Variants in SLC5A4 observed in about 807,000 individuals in gnomAD.
The protein encoded by SLC5A4 is solute carrier family 5 member 4, also known as probable glucose sensor protein SLC5A4.
SLC5A4 carries 55 observed loss-of-function variants against 70.3 expected under a neutral mutation model. That is an observed-to-expected ratio of 0.78 (90% CI 0.63 to 0.98). The LOEUF (loss-of-function observed/expected upper bound fraction) is 0.98. SLC5A4 is among the 50% of genes least tolerant of loss of function. The probability of loss-of-function intolerance (pLI) is 0.00; values close to 1 mark genes in which losing one functional copy is unlikely to be tolerated. For missense variants in SLC5A4, 735 were observed against 839.2 expected, an observed-to-expected ratio of 0.88 and a Z score of 1.53; for synonymous variants, 268 against 305.7, an observed-to-expected ratio of 0.88 and a Z score of 1.29.
intron 9 of SLC5A4, among the ~76,000 whole-genome samples, chr22:32,232,515 G>A (rs1925814304): frequency 6.6e-6 from 1 of 152,010 alleles, no homozygotes; most frequent in South Asian, 2.1e-4. Flanking sequence ...TTTCTCAGAG[G>A]GACCAAGACC....
chr22:32,237,105 G>A lies in SLC5A4; in HGVS notation c.664+139C>T, dbSNP rs570570226. 45 of 672,140 alleles carry A rather than the reference G, an allele frequency of 6.7e-5. No individual in the cohort carries two copies. In the African/African-American group the frequency reaches 7.8e-4, roughly 12 times the overall value. 41.6% of individuals were successfully genotyped at this position (672,140 alleles called of 1,614,324 possible). ...AGAAAGAAGTCAGGCAGATATTTCA[G>A]TGATGGGGATTATGTAAATGACTGG... On this transcript the variant is annotated intron_variant, in intron 7 of 14. Transcript: ENST00000266086.
At chr22:32,348,967 C>G in the SLC5A4 span, among the ~76,000 whole-genome samples, 1 of 152,118 alleles carries the variant, frequency 6.6e-6, no homozygotes, top group Admixed American at 6.5e-5. Flanking sequence ...TAAGTTTAGA[C>G]AAAACTCTTT....
At chr22:32,284,615 AC>A in the SLC5A4 span, 1 of 152,090 alleles carries the variant, frequency 6.6e-6, no homozygotes. Context: ...AAGAAGAAGC[AC>A]TCCAAGAGGC....
intron 12 of SLC5A4, among the ~76,000 whole-genome samples, chr22:32,224,804 G>T (rs945572790): frequency 1.3e-5 from 2 of 152,246 alleles, no homozygotes; most frequent in African/African-American, 4.8e-5. Context: ...TGATTTATTT[G>T]ATAAAATAAG....
chr22:32,244,979 G>A (rs1926735269), intron 5 of SLC5A4, among the ~76,000 whole-genome samples: 1 of 152,148 alleles, frequency 6.6e-6, no homozygotes, highest in African/African-American at 2.4e-5. Context: ...CAAGGATCAG[G>A]ATTTTCTTTT....
the SLC5A4 span, among the ~76,000 whole-genome samples, chr22:32,306,457 C>G: frequency 8.8e-6 from 1 of 114,002 alleles, no homozygotes; most frequent in African/African-American, 4.3e-5. Flanking sequence ...CAGAGCAAGA[C>G]TCGGTCTCAA....
At chr22:32,309,703 A>G in the SLC5A4 span, among the ~76,000 whole-genome samples, 4 of 151,942 alleles carry the variant, frequency 2.6e-5, no homozygotes, top group Non-Finnish European at 5.9e-5. Context: ...CCAAGTGCAC[A>G]CTTCTCACCC....
the SLC5A4 span, among the ~76,000 whole-genome samples, chr22:32,292,131 T>TATTATAC: frequency 1.1e-5 from 1 of 87,310 alleles, no homozygotes; most frequent in Non-Finnish European, 2.2e-5. Flanking sequence ...ATATACTAGA[T>TATTATAC]ATTATATATT....
the SLC5A4 span, among the ~76,000 whole-genome samples, chr22:32,332,547 C>T: frequency 1.3e-5 from 2 of 152,206 alleles, no homozygotes; most frequent in East Asian, 1.9e-4. Flanking sequence ...CCTTATCCTG[C>T]GGGCCTTCTG....
At chr22:32,320,318 T>TACGGTACAGATGCCC in the SLC5A4 span, among the ~76,000 whole-genome samples, 1 of 152,176 alleles carries the variant, frequency 6.6e-6, no homozygotes, top group Non-Finnish European at 1.5e-5. Context: ...GACACATGCC[T>TACGGTACAGATGCCC]ACGGTACAGA....
chr22:32,315,514 A>G, the SLC5A4 span, among the ~76,000 whole-genome samples: 1 of 152,214 alleles, frequency 6.6e-6, no homozygotes, highest in Non-Finnish European at 1.5e-5. Context: ...TATTGTTCAC[A>G]GTAGGGAGAA....
At chr22:32,320,501 C>T in the SLC5A4 span, among the ~76,000 whole-genome samples, 1 of 152,212 alleles carries the variant, frequency 6.6e-6, no homozygotes, top group African/African-American at 2.4e-5. Context: ...AGCTCCTGCA[C>T]AATGGAGAGC....
At chr22:32,287,990 A>G in the SLC5A4 span, among the ~76,000 whole-genome samples, 3 of 149,252 alleles carry the variant, frequency 2.0e-5, no homozygotes, top group African/African-American at 7.4e-5. Flanking sequence ...TAGGCAGTTC[A>G]CTTGAAGACC....
At chr22:32,284,839 T>A in the SLC5A4 span, 1 of 152,210 alleles carries the variant, frequency 6.6e-6, no homozygotes, top group African/African-American at 2.4e-5. Flanking sequence ...CATGTGGCCA[T>A]GAAATCTTCA....
chr22:32,272,357 G>T, the SLC5A4 span: 7 of 866,476 alleles, frequency 8.1e-6, no homozygotes, highest in Non-Finnish European at 1.4e-5. Flanking sequence ...TCGGCCATCA[G>T]CCAGAAGATT....
At chr22:32,354,293 C>T in the SLC5A4 span, among the ~76,000 whole-genome samples, 1 of 150,888 alleles carries the variant, frequency 6.6e-6, no homozygotes, top group African/African-American at 2.4e-5. Flanking sequence ...TCAACACCCC[C>T]CTCCCTGCTG....
the SLC5A4 span, among the ~76,000 whole-genome samples, chr22:32,310,782 G>C: frequency 6.6e-6 from 1 of 152,220 alleles, no homozygotes; most frequent in African/African-American, 2.4e-5. Flanking sequence ...TTCTTCATGG[G>C]GCTGTTGAGA....
the SLC5A4 span, among the ~76,000 whole-genome samples, chr22:32,347,171 G>A: frequency 9.2e-5 from 14 of 152,208 alleles, no homozygotes; most frequent in Admixed American, 7.8e-4. Flanking sequence ...TCTCACACCA[G>A]TCAGAATGGC....
chr22:32,271,836 T>C, the SLC5A4 span: 1 of 608,862 alleles, frequency 1.6e-6, no homozygotes, highest in Non-Finnish European at 3.2e-6. Flanking sequence ...CCGTGGCCTG[T>C]CAGGAAGATC....
Sources: gnomAD v4.1 joint callset for allele counts (sites outside exome capture counted in the v4.1 genomes callset) on GRCh38, gnomAD v4.1.1 for gene constraint, MANE v1.5 for transcripts, NCBI Gene and HGNC (gene_info 2026-07-23, HGNC 2026-07-21) for gene names.